The following MACROD2 variants were observed in gnomAD, a reference collection of about 807,000 sequenced individuals.
MACROD2 encodes ADP-ribose glycohydrolase MACROD2.
MACROD2 carries 36 observed loss-of-function variants against 70.4 expected under a neutral mutation model. The observed-to-expected ratio is 0.51, with a 90% CI of 0.39 to 0.68. The LOEUF (loss-of-function observed/expected upper bound fraction) is 0.68, where lower values mean the gene tolerates loss of function less well. Ranked by LOEUF, MACROD2 falls within the 30% of genes least tolerant of loss-of-function variation. The probability of loss-of-function intolerance (pLI) is 0.00; values close to 1 mark genes in which losing one functional copy is unlikely to be tolerated. For synonymous variants in MACROD2, 172 were observed against 178.8 expected (o/e 0.96, Z 0.30); for missense variants, 496 against 538.4 (o/e 0.92, Z 0.78).
At chr20:15,107,981 C>T (rs983482763) in intron 5 of MACROD2, among the ~76,000 whole-genome samples, 1 of 116,612 alleles carries the variant, frequency 8.6e-6, no homozygotes, top group African/African-American at 2.9e-5. Context: ...TGAGAGCAAG[C>T]TCTTTTTTTT....
At chr20:14,493,429 T>C in intron 3 of MACROD2, 50 bp from the exon 4 acceptor site, 1 of 1,490,044 alleles carries the variant, frequency 6.7e-7, no homozygotes, top group Non-Finnish European at 9.3e-7. Context: ...ATATACTATA[T>C]TTCTTATACA....
intron 5 of MACROD2, among the ~76,000 whole-genome samples, chr20:14,812,587 A>G (rs1049883882): frequency 2.6e-5 from 4 of 152,054 alleles, no homozygotes; most frequent in African/African-American, 9.7e-5. Context: ...AAATAAATAT[A>G]AAATTACAGT....
At chr20:14,867,553 T>G (rs905864897) in intron 5 of MACROD2, among the ~76,000 whole-genome samples, 4 of 152,160 alleles carry the variant, frequency 2.6e-5, no homozygotes, top group Non-Finnish European at 4.4e-5. Flanking sequence ...GATTCCTGTT[T>G]AACAGGTGAC....
intron 5 of MACROD2, among the ~76,000 whole-genome samples, chr20:15,001,945 C>CCACACACACA (rs111994400): frequency 6.8e-6 from 1 of 145,990 alleles, no homozygotes; most frequent in South Asian, 2.2e-4. Flanking sequence ...GTGTGCATGC[C>CCACACACACA]CACACACACA....
chr20:15,554,326 G>A (rs1351141070), intron 8 of MACROD2, among the ~76,000 whole-genome samples: 1 of 152,162 alleles, frequency 6.6e-6, no homozygotes, highest in East Asian at 1.9e-4. Context: ...AGTTTTGGCA[G>A]AGTTGTTTTG....
At chr20:14,373,462 G>A (rs1326705166) in intron 3 of MACROD2, among the ~76,000 whole-genome samples, 1 of 151,918 alleles carries the variant, frequency 6.6e-6, no homozygotes, top group Non-Finnish European at 1.5e-5. Context: ...AATTGAATTG[G>A]TTGGGAGACT....
intron 5 of MACROD2, among the ~76,000 whole-genome samples, chr20:15,031,747 C>T (rs1472469048): frequency 2.6e-5 from 4 of 152,124 alleles, no homozygotes; most frequent in Admixed American, 2.6e-4. Context: ...CCATGGGTAG[C>T]CATAGGCGGG....
chr20:15,164,200 C>T (rs910679670), intron 5 of MACROD2, among the ~76,000 whole-genome samples: 2 of 151,850 alleles, frequency 1.3e-5, no homozygotes, highest in African/African-American at 4.8e-5. Flanking sequence ...ACAAAAGTTA[C>T]AATAAGAAAT....
chr20:15,230,028 G>C lies in MACROD2; in HGVS notation c.507G>C (p.Leu169=). The C allele has an allele frequency of 6.2e-7, 1 of 1,613,616 alleles. No homozygotes were observed. The highest frequency in any genetic ancestry group is 8.5e-7 in the Non-Finnish European group (1 of 1,179,754). ...EDLANCYKSS[L]KLVKENNIRS... ...TTGCAAATTGCTATAAATCATCTCT[G>C]AAGCTCGTGAAAGAAAATAACATCC... is the stretch of plus-strand genomic sequence containing the variant. The change falls in exon 6 of 18, where the codon CTG becomes CTC. Residue 169 remains leucine (L), a synonymous_variant. Transcript: ENST00000684519.
At chr20:15,167,423 C>G (rs1272636769) in intron 5 of MACROD2, among the ~76,000 whole-genome samples, 4 of 152,148 alleles carry the variant, frequency 2.6e-5, no homozygotes, top group Non-Finnish European at 5.9e-5. Flanking sequence ...GTGGAATGCT[C>G]TGGTTCCAGA....
intron 6 of MACROD2, among the ~76,000 whole-genome samples, chr20:15,385,443 GA>G (rs2045699756): frequency 6.6e-6 from 1 of 152,152 alleles, no homozygotes; most frequent in Non-Finnish European, 1.5e-5. Flanking sequence ...TAAACTGTAT[GA>G]ATACTGAGTG....
At chr20:14,969,929 C>G (rs1481358755) in intron 5 of MACROD2, among the ~76,000 whole-genome samples, 1 of 152,120 alleles carries the variant, frequency 6.6e-6, no homozygotes. Flanking sequence ...TATTTATAAA[C>G]TAAATTCACT....
At chr20:15,329,471 C>A (rs747570606) in intron 6 of MACROD2, among the ~76,000 whole-genome samples, 4 of 152,020 alleles carry the variant, frequency 2.6e-5, no homozygotes, top group Non-Finnish European at 4.4e-5. Flanking sequence ...GGTGCAGTGG[C>A]TCATGTCTGT....
At chr20:15,021,256 ACACACCTGTGTGTGTGTATACG>A (rs1420965168) in intron 5 of MACROD2, among the ~76,000 whole-genome samples, 3 of 83,790 alleles carry the variant, frequency 3.6e-5, no homozygotes, top group Non-Finnish European at 7.9e-5. Context: ...GTATGTATAC[ACACACCTGTGTGTGTGTATACG>A]CACACCTGTG....
intron 8 of MACROD2, among the ~76,000 whole-genome samples, chr20:15,612,159 G>A (rs1403911760): frequency 6.6e-6 from 1 of 152,044 alleles, no homozygotes; most frequent in Non-Finnish European, 1.5e-5. Flanking sequence ...TTAATTCCAA[G>A]AGGAGTTAGT....
chr20:14,747,189 G>T (rs780728852), intron 5 of MACROD2, among the ~76,000 whole-genome samples: 1 of 152,120 alleles, frequency 6.6e-6, no homozygotes, highest in African/African-American at 2.4e-5. Flanking sequence ...CTGTCAGTAG[G>T]AGTGAGAACT....
chr20:14,344,669 C>A (rs1313088419), intron 3 of MACROD2, among the ~76,000 whole-genome samples: 2 of 152,112 alleles, frequency 1.3e-5, no homozygotes, highest in East Asian at 3.9e-4. Flanking sequence ...TTAAAGTACA[C>A]AAATATTGCC....
intron 8 of MACROD2, among the ~76,000 whole-genome samples, chr20:15,780,991 A>C (rs1234444746): frequency 6.6e-6 from 1 of 152,078 alleles, no homozygotes; most frequent in Admixed American, 6.5e-5. Context: ...CCCTTTCCTT[A>C]CCATGTTTCT....
At chr20:14,908,162 G>A (rs984299016) in intron 5 of MACROD2, among the ~76,000 whole-genome samples, 1 of 151,802 alleles carries the variant, frequency 6.6e-6, no homozygotes, top group Admixed American at 6.6e-5. Flanking sequence ...TGGCCAACAC[G>A]GTGAAATCTT....
Sources: allele counts gnomAD v4.1 joint callset (sites outside exome capture counted in the v4.1 genomes callset), GRCh38; gene constraint gnomAD v4.1.1; transcripts MANE v1.5; gene names NCBI Gene and HGNC (gene_info 2026-07-23, HGNC 2026-07-21).